The following RORA variants were observed in gnomAD, a reference collection of about 807,000 sequenced individuals.
RORA encodes nuclear receptor ROR-alpha.
Under a neutral mutation model 69.5 loss-of-function variants are expected in RORA, and 7 were observed. The ratio of observed to expected loss-of-function variants is 0.10; its 90% CI spans 0.06 to 0.19. The LOEUF is 0.19. Among genes scored for constraint, RORA ranks in the 10% least tolerant of loss-of-function variants. The probability of loss-of-function intolerance (pLI) is 1.00; values close to 1 mark genes in which losing one functional copy is unlikely to be tolerated. For synonymous variants in RORA, 261 were observed against 240.8 expected, an observed-to-expected ratio of 1.08 and a Z score of -0.78; for missense variants, 457 against 663.0, an observed-to-expected ratio of 0.69 and a Z score of 3.41.
At chr15:60,910,163 T>A (rs1891663454) in intron 1 of RORA, among the ~76,000 whole-genome samples, 1 of 152,164 alleles carries the variant, frequency 6.6e-6, no homozygotes, top group Admixed American at 6.5e-5. Flanking sequence ...AAGGGCTAGG[T>A]TATTACCAAC....
chr15:60,782,981 C>A (rs1053181856), intron 1 of RORA, among the ~76,000 whole-genome samples: 1 of 152,122 alleles, frequency 6.6e-6, no homozygotes, highest in Non-Finnish European at 1.5e-5. Flanking sequence ...TGGGACTATA[C>A]GCTAAGGAAA....
At chr15:60,585,423 A>C (rs191511284) in intron 2 of RORA, among the ~76,000 whole-genome samples, 2 of 152,246 alleles carry the variant, frequency 1.3e-5, no homozygotes, top group Non-Finnish European at 2.9e-5. Context: ...AATCTTCAGA[A>C]ACCAAGGGGT....
At chr15:60,566,366 A>G (rs546541291) in intron 2 of RORA, among the ~76,000 whole-genome samples, 5 of 152,282 alleles carry the variant, frequency 3.3e-5, no homozygotes, top group Admixed American at 2.6e-4. Context: ...TAACATTTTA[A>G]TGTTATTTTA....
chr15:60,579,493 A>G (rs1375402398), intron 2 of RORA, among the ~76,000 whole-genome samples: 1 of 152,220 alleles, frequency 6.6e-6, no homozygotes, highest in Non-Finnish European at 1.5e-5. Flanking sequence ...TGGTAGTTCA[A>G]CATAAACTGT....
intron 2 of RORA, among the ~76,000 whole-genome samples, chr15:60,661,986 C>T (rs1300651758): frequency 6.6e-6 from 1 of 152,214 alleles, no homozygotes; most frequent in African/African-American, 2.4e-5. Flanking sequence ...CAGTCAACCA[C>T]ACTCTATGAA....
intron 1 of RORA, among the ~76,000 whole-genome samples, chr15:60,850,705 C>G (rs2073314686): frequency 6.6e-6 from 1 of 152,152 alleles, no homozygotes; most frequent in African/African-American, 2.4e-5. Flanking sequence ...CCATAGTCAC[C>G]TGCCCATCAA....
chr15:60,947,401 G>A (rs1006783083), intron 1 of RORA, among the ~76,000 whole-genome samples: 16 of 151,912 alleles, frequency 1.1e-4, no homozygotes, highest in African/African-American at 3.4e-4. Context: ...CCCCCAACCC[G>A]GTGCTCTCTG....
intron 2 of RORA, among the ~76,000 whole-genome samples, chr15:60,601,557 G>A (rs1057383188): frequency 1.5e-4 from 23 of 152,244 alleles, no homozygotes; most frequent in African/African-American, 5.1e-4. Context: ...AAAAACATCT[G>A]TTAAAAAGGT....
intron 1 of RORA, among the ~76,000 whole-genome samples, chr15:60,825,589 A>G (rs113535702): frequency 7.9e-4 from 120 of 152,252 alleles, no homozygotes; most frequent in African/African-American, 2.8e-3. Context: ...GTCAGCACCA[A>G]GTAGGCCTGC....
At chr15:60,955,246 G>A (rs1349300533) in intron 1 of RORA, among the ~76,000 whole-genome samples, 1 of 152,232 alleles carries the variant, frequency 6.6e-6, no homozygotes, top group Non-Finnish European at 1.5e-5. Flanking sequence ...AGTTTGCAGT[G>A]AGCCGAGATT....
At chr15:60,746,057 T>C (rs549632851) in intron 1 of RORA, among the ~76,000 whole-genome samples, 6 of 152,352 alleles carry the variant, frequency 3.9e-5, no homozygotes, top group Non-Finnish European at 8.8e-5. Flanking sequence ...ACAGAATCCA[T>C]GAAACTCGAC....
intron 1 of RORA, among the ~76,000 whole-genome samples, chr15:60,754,526 T>C (rs182397344): frequency 1.7e-4 from 26 of 152,326 alleles, no homozygotes; most frequent in Non-Finnish European, 3.4e-4. Flanking sequence ...TTTAGTCTCA[T>C]GGCTTAATTC....
At chr15:60,569,278 A>C (rs2067809561) in intron 2 of RORA, among the ~76,000 whole-genome samples, 1 of 151,042 alleles carries the variant, frequency 6.6e-6, no homozygotes, top group African/African-American at 2.4e-5. Context: ...AAAAAAAAAA[A>C]AAAAGCCATG....
rs562383003 is a variant in RORA at position 61,000,118 on chromosome 15, T to G, written c.166+228935A>C. Among the ~76,000 whole-genome samples, 3 of 152,314 alleles carry G rather than the reference T, an allele frequency of 2.0e-5. No homozygotes were observed. In the East Asian group the frequency reaches 5.8e-4, roughly 29 times the overall value. ...TACAATCGTTTAACAGATGTAAAAT[T>G]ATAGGATATACTTAGCGTTTAGGTT... On this transcript the variant is annotated intron_variant, in intron 1 of 10. Transcript: ENST00000335670.
In RORA at chr15:60,896,770, A is replaced by G. The variant is rs1056950194; in HGVS notation, c.167-218084T>C. 8.4e-5 allele frequency among the ~76,000 whole-genome samples: 12 copies of G among 143,106 alleles called. No individual in the cohort carries two copies. In the East Asian group the frequency reaches 2.2e-3, roughly 26 times the overall value. The allele number at this position is 143,106 out of a possible 152,430, so 93.9% of individuals were successfully genotyped here. On this transcript the variant is annotated intron_variant, in intron 1 of 10. Coordinates refer to ENST00000335670, the MANE Select transcript of RORA (RefSeq NM_134261.3). ...TTTTTTTGGCTGCATAGCCAAGGGA[A>G]TTTAGGGTTGGAATGACACAGGCCT...
At chr15:60,574,810 A>T (rs1729973974) in intron 2 of RORA, among the ~76,000 whole-genome samples, 1 of 152,220 alleles carries the variant, frequency 6.6e-6, no homozygotes, top group South Asian at 2.1e-4. Context: ...TCCATCAGCT[A>T]ATACGTGGCA....
rs57427754 is a variant in RORA at position 61,172,844 on chromosome 15, TA to T, written c.166+56208del. 7.7e-3 allele frequency among the ~76,000 whole-genome samples: 1,172 copies of T among 151,752 alleles called. 15 individuals carry two copies. The highest frequency in any genetic ancestry group is 0.027 in the African/African-American group (1,104 of 41,368). ...GCATGTATCCTGGGCTGGGAGGAGC[TA>T]AAAAAAAGGCATGTCTTTGCTCTCT... On this transcript the variant is annotated intron_variant, in intron 1 of 10. Transcript: ENST00000335670.
intron 2 of RORA, among the ~76,000 whole-genome samples, chr15:60,672,844 A>C (rs1476779061): frequency 1.3e-5 from 2 of 152,238 alleles, no homozygotes; most frequent in African/African-American, 4.8e-5. Context: ...TGCTACTACA[A>C]GTAATGGTAC....
At chr15:61,182,376 T>C (rs1406814344) in intron 1 of RORA, among the ~76,000 whole-genome samples, 3 of 152,198 alleles carry the variant, frequency 2.0e-5, no homozygotes, top group Non-Finnish European at 4.4e-5. Flanking sequence ...GTGCAGATAC[T>C]CTTTCAGAAA....
Sources: allele counts gnomAD v4.1 joint callset (sites outside exome capture counted in the v4.1 genomes callset), GRCh38; gene constraint gnomAD v4.1.1; transcripts MANE v1.5; gene names NCBI Gene and HGNC (gene_info 2026-07-23, HGNC 2026-07-21).